The following FAM185A variants were observed in gnomAD, a reference collection of about 807,000 sequenced individuals.
FAM185A encodes protein FAM185A.
Under a neutral mutation model 45.7 loss-of-function variants are expected in FAM185A, and 21 were observed. The ratio of observed to expected loss-of-function variants is 0.46; its 90% CI spans 0.33 to 0.66. The LOEUF is 0.66. FAM185A is among the 30% of genes least tolerant of loss of function. The probability of loss-of-function intolerance (pLI) is 0.03; values close to 1 mark genes in which losing one functional copy is unlikely to be tolerated. For synonymous variants in FAM185A, 117 were observed against 194.0 expected, an observed-to-expected ratio of 0.60 and a Z score of 3.30; for missense variants, 305 against 485.4, an observed-to-expected ratio of 0.63 and a Z score of 3.49.
Position 102,772,453 on chromosome 7 carries a change from A to G in FAM185A, c.835+3A>G. The G allele has an allele frequency of 1.3e-6, 2 of 1,543,772 alleles. No individual in the cohort carries two copies. Among genetic ancestry groups the G allele is most frequent in the Non-Finnish European group, 1.7e-6 (2 of 1,143,756 alleles). On this transcript the variant is annotated splice_donor_region_variant and intron_variant, in intron 5 of 7. Transcript: ENST00000413034. ...CAAGATGGGTAACATCACAGTAGGT[A>G]TGTGCTAAGCTACTAGTTCGTGTAT...
the FAM185A span, among the ~76,000 whole-genome samples, chr7:102,841,038 T>C: frequency 6.6e-6 from 1 of 152,138 alleles, no homozygotes. Context: ...TTACAAATTA[T>C]AACATGGAGA....
At chr7:102,831,431 A>ACACACACACACACACACCCC in the FAM185A span, among the ~76,000 whole-genome samples, 1 of 147,126 alleles carries the variant, frequency 6.8e-6, no homozygotes, top group African/African-American at 2.5e-5. Flanking sequence ...ACACACACAC[A>ACACACACACACACACACCCC]CCCCACTACA....
chr7:102,772,110 A>G (rs1222075897), intron 4 of FAM185A, among the ~76,000 whole-genome samples: 2 of 141,456 alleles, frequency 1.4e-5, no homozygotes, highest in African/African-American at 5.4e-5. Context: ...ACATTTCAGT[A>G]ATTTTTTTCA....
intron 7 of FAM185A, among the ~76,000 whole-genome samples, chr7:102,791,021 A>T (rs558625628): frequency 6.6e-6 from 1 of 152,196 alleles, no homozygotes. Context: ...AAACGTATGT[A>T]CATTGTACTG....
chr7:102,822,453 C>CAG, the FAM185A span: 186 of 605,636 alleles, frequency 3.1e-4, no homozygotes, highest in Middle Eastern at 5.1e-4. Flanking sequence ...TCTCACATGG[C>CAG]AGAGAGAGAG....
At chr7:102,821,955 T>A in the FAM185A span, 1 of 1,347,930 alleles carries the variant, frequency 7.4e-7, no homozygotes, top group Non-Finnish European at 1.0e-6. Context: ...TGAAAGCTGC[T>A]ATGTATTATG....
chr7:102,841,612 A>T, the FAM185A span, among the ~76,000 whole-genome samples: 1 of 152,232 alleles, frequency 6.6e-6, no homozygotes, highest in African/African-American at 2.4e-5. Context: ...GTCAAATCCC[A>T]CATCCTTTGA....
At chr7:102,787,666 C>T (rs1795890943) in intron 7 of FAM185A, among the ~76,000 whole-genome samples, 197 bp downstream of exon 7, 1 of 152,156 alleles carries the variant, frequency 6.6e-6, no homozygotes, top group South Asian at 2.1e-4. Context: ...CTCATTAAAT[C>T]ATTTAGGAAC....
In FAM185A at chr7:102,780,277, A is replaced by G. The variant is rs546227261; in HGVS notation, c.931+2929A>G. 2.5e-3 allele frequency among the ~76,000 whole-genome samples: 375 copies of G among 152,150 alleles called. 2 individuals carry two copies. The highest frequency in any genetic ancestry group is 8.3e-3 in the African/African-American group (346 of 41,478). On this transcript the variant is annotated intron_variant, in intron 6 of 7. Coordinates refer to ENST00000413034, the MANE Select transcript of FAM185A (RefSeq NM_001145268.2). The stretch of plus-strand genomic sequence containing the variant: ...GCATTATGGCAGGGGCCTTTTACCT[A>G]CTTTATTTAATGAAAAACAGGAAGA...
intron 6 of FAM185A, among the ~76,000 whole-genome samples, chr7:102,780,954 C>T (rs1300351376): frequency 2.0e-5 from 3 of 152,220 alleles, no homozygotes; most frequent in Non-Finnish European, 4.4e-5. Flanking sequence ...AATCGGGTCA[C>T]TCCCACCCTA....
chr7:102,813,322 T>G (rs114315743), downstream of FAM185A: 2 of 1,571,130 alleles, frequency 1.3e-6, no homozygotes, highest in African/African-American at 2.7e-5. Context: ...TTTTTTGTTC[T>G]TCCTGCTTGA....
intron 7 of FAM185A, among the ~76,000 whole-genome samples, chr7:102,806,956 C>T (rs375498455): frequency 8.6e-5 from 13 of 152,012 alleles, no homozygotes; most frequent in East Asian, 3.9e-4. Flanking sequence ...GAGGGGATTG[C>T]GGAGGGTGCC....
chr7:102,758,459 T>TTTTA lies in FAM185A; in HGVS notation c.654+513_654+514insTTTA, dbSNP rs1554364935. Among the ~76,000 whole-genome samples the TTTTA allele has an allele frequency of 7.1e-4, 76 of 107,464 alleles. 10 individuals are homozygous for TTTTA. The highest frequency in any genetic ancestry group is 1.7e-3 in the African/African-American group (46 of 27,504). 70.5% of individuals were successfully genotyped at this position (107,464 alleles called of 152,430 possible). A position where few individuals can be genotyped will look rare whatever the true frequency, so the allele number is the denominator to read the frequency against. The stretch of plus-strand genomic sequence containing the variant: ...TTTTTTTTTTTTTTTTTTTTTTTTT[T>TTTTA]ATAGTAGCTATTGGGATTTTTGTTG... On this transcript the variant is annotated intron_variant, in intron 3 of 7. Coordinates refer to ENST00000413034, the MANE Select transcript of FAM185A (RefSeq NM_001145268.2).
the FAM185A span, among the ~76,000 whole-genome samples, chr7:102,848,954 C>G: frequency 6.6e-6 from 1 of 151,964 alleles, no homozygotes; most frequent in African/African-American, 2.4e-5. Context: ...GAGTCGAGAT[C>G]GTGCCATTGC....
chr7:102,772,525 A>C (rs1182547862), intron 5 of FAM185A, 75 bp downstream of exon 5: 22 of 858,748 alleles, frequency 2.6e-5, no homozygotes, highest in African/African-American at 3.7e-5. Context: ...CTTTATTAGA[A>C]TAAATGAATT....
At chr7:102,761,861 G>A (rs527389293) in intron 4 of FAM185A, among the ~76,000 whole-genome samples, 16 of 152,012 alleles carry the variant, frequency 1.1e-4, no homozygotes, top group African/African-American at 3.6e-4. Context: ...ATGGGGTTTC[G>A]CCATGTTGCC....
chr7:102,816,740 G>A, the FAM185A span, among the ~76,000 whole-genome samples: 2 of 152,150 alleles, frequency 1.3e-5, no homozygotes, highest in South Asian at 2.1e-4. Context: ...TGCCCAGTAG[G>A]TACTTTGTTA....
At chr7:102,831,678 G>C in the FAM185A span, among the ~76,000 whole-genome samples, 3 of 152,248 alleles carry the variant, frequency 2.0e-5, no homozygotes, top group Non-Finnish European at 2.9e-5. Context: ...CTTGAAGATT[G>C]TGGTGTAAAT....
intron 6 of FAM185A, among the ~76,000 whole-genome samples, chr7:102,781,328 C>A (rs1301140785): frequency 1.3e-5 from 2 of 152,220 alleles, no homozygotes; most frequent in African/African-American, 2.4e-5. Flanking sequence ...GTTCTCCCAG[C>A]ATGCAGCTGG....
Sources: gnomAD v4.1 joint callset for allele counts (sites outside exome capture counted in the v4.1 genomes callset) on GRCh38, gnomAD v4.1.1 for gene constraint, MANE v1.5 for transcripts, NCBI Gene and HGNC (gene_info 2026-07-23, HGNC 2026-07-21) for gene names.